PLCB1: variants seen among roughly 807,000 people sequenced by gnomAD.
PLCB1 encodes phospholipase C beta 1.
PLCB1 carries 46 observed loss-of-function variants against 161.8 expected under a neutral mutation model. The observed-to-expected ratio is 0.28, with a 90% CI of 0.22 to 0.36. The LOEUF is 0.36. Among genes scored for constraint, PLCB1 ranks in the 10% least tolerant of loss-of-function variants. PLCB1 has a pLI of 1.00. For synonymous variants in PLCB1, 517 were observed against 503.7 expected, an observed-to-expected ratio of 1.03 and a Z score of -0.35; for missense variants, 1,016 against 1,472.5, an observed-to-expected ratio of 0.69 and a Z score of 5.07.
At chr20:8,342,097 C>T (rs1280478418) in intron 2 of PLCB1, among the ~76,000 whole-genome samples, 1 of 152,070 alleles carries the variant, frequency 6.6e-6, no homozygotes, top group African/African-American at 2.4e-5. Flanking sequence ...CTGGAGAGAA[C>T]TAACATTTTG....
At chr20:8,626,706 G>A (rs1988360118) in intron 3 of PLCB1, among the ~76,000 whole-genome samples, 1 of 152,170 alleles carries the variant, frequency 6.6e-6, no homozygotes, top group Non-Finnish European at 1.5e-5. Context: ...ATAATTACAA[G>A]TTTCAGGTGA....
intron 12 of PLCB1, among the ~76,000 whole-genome samples, chr20:8,710,477 G>A (rs1978940859): frequency 7.6e-6 from 1 of 132,292 alleles, no homozygotes; most frequent in Admixed American, 7.7e-5. Flanking sequence ...TTTCTTTCAG[G>A]TATTATAGTT....
intron 2 of PLCB1, among the ~76,000 whole-genome samples, chr20:8,273,625 C>T (rs998335301): frequency 6.6e-6 from 1 of 152,088 alleles, no homozygotes; most frequent in Non-Finnish European, 1.5e-5. Flanking sequence ...AAAGAACTGC[C>T]TCTTATGTGT....
At chr20:8,575,366 T>A (rs2123062249) in intron 3 of PLCB1, among the ~76,000 whole-genome samples, 1 of 151,802 alleles carries the variant, frequency 6.6e-6, no homozygotes, top group South Asian at 2.1e-4. Context: ...CCAACAGGAG[T>A]TTTCCCTTCA....
At chr20:8,680,213 C>A (rs1231571267) in intron 9 of PLCB1, among the ~76,000 whole-genome samples, 1 of 152,078 alleles carries the variant, frequency 6.6e-6, no homozygotes. Context: ...ACAAACAGTG[C>A]AAGTTTGATA....
At chr20:8,290,217 A>G (rs1983321173) in intron 2 of PLCB1, among the ~76,000 whole-genome samples, 1 of 152,146 alleles carries the variant, frequency 6.6e-6, no homozygotes. Context: ...TGACTCCAGA[A>G]CTCAAGAGAA....
chr20:8,567,080 C>T (rs774640604), intron 3 of PLCB1, among the ~76,000 whole-genome samples: 1 of 152,134 alleles, frequency 6.6e-6, no homozygotes, highest in Non-Finnish European at 1.5e-5. Context: ...AATGAGAGCA[C>T]TACTGGCATC....
intron 10 of PLCB1, 145 bp from the exon 11 acceptor site, chr20:8,697,481 A>G (rs1990608456): frequency 1.4e-6 from 1 of 737,378 alleles, no homozygotes; most frequent in African/African-American, 1.8e-5. Flanking sequence ...ACCTTCTGGT[A>G]TGTTGAGGCA....
At chr20:8,653,409 T>G (rs1392323911) in intron 7 of PLCB1, 1 of 152,044 alleles carries the variant, frequency 6.6e-6, no homozygotes, top group Non-Finnish European at 1.5e-5. Flanking sequence ...AATATCAAAA[T>G]TCTACTTTAA....
chr20:8,660,733 C>A (rs1246965363), intron 9 of PLCB1, among the ~76,000 whole-genome samples: 1 of 152,038 alleles, frequency 6.6e-6, no homozygotes, highest in Admixed American at 6.6e-5. Context: ...AATTTCAAAT[C>A]GAAAGAGGCA....
At chr20:8,808,367 A>C (rs910941942) in intron 31 of PLCB1, among the ~76,000 whole-genome samples, 1 of 152,066 alleles carries the variant, frequency 6.6e-6, no homozygotes, top group African/African-American at 2.4e-5. Flanking sequence ...AGAGAGAGAG[A>C]GCGCATGCAC....
At chr20:8,187,435 T>C (rs1036483135) in intron 2 of PLCB1, among the ~76,000 whole-genome samples, 3 of 152,218 alleles carry the variant, frequency 2.0e-5, no homozygotes, top group African/African-American at 7.2e-5. Context: ...TTCTAAACTC[T>C]GGTGCCTCCT....
chr20:8,587,107 G>T (rs1433263949), intron 3 of PLCB1, among the ~76,000 whole-genome samples: 4 of 151,980 alleles, frequency 2.6e-5, no homozygotes, highest in Non-Finnish European at 5.9e-5. Flanking sequence ...GTGTAATTGT[G>T]CCAAAATTGT....
At chr20:8,668,610 C>T (rs549452248) in intron 9 of PLCB1, among the ~76,000 whole-genome samples, 8 of 152,132 alleles carry the variant, frequency 5.3e-5, no homozygotes, top group South Asian at 2.1e-4. Flanking sequence ...GGAGTGTGAA[C>T]GAGGAAGAGA....
chr20:8,476,491 G>C (rs969806898), intron 3 of PLCB1, among the ~76,000 whole-genome samples: 1 of 152,128 alleles, frequency 6.6e-6, no homozygotes, highest in African/African-American at 2.4e-5. Context: ...ATTCTGGCTG[G>C]ATGCTAAAGT....
At chr20:8,530,921 A>T (rs943019971) in intron 3 of PLCB1, among the ~76,000 whole-genome samples, 1 of 152,090 alleles carries the variant, frequency 6.6e-6, no homozygotes, top group South Asian at 2.1e-4. Flanking sequence ...AGTTTGCTAC[A>T]TACCAAATTG....
At chr20:8,731,555 C>T (rs1411132536) in intron 18 of PLCB1, among the ~76,000 whole-genome samples, 3 of 151,836 alleles carry the variant, frequency 2.0e-5, no homozygotes, top group Admixed American at 6.6e-5. Context: ...CTAAAGGACA[C>T]GGGTCCTATT....
chr20:8,780,746 G>C (rs529742875), intron 27 of PLCB1, among the ~76,000 whole-genome samples: 19 of 152,208 alleles, frequency 1.2e-4, no homozygotes, highest in African/African-American at 4.1e-4. Context: ...GGTGCTGAGT[G>C]GGGGGTCTAG....
chr20:8,458,029 G>A (rs1981405030), intron 3 of PLCB1, among the ~76,000 whole-genome samples: 1 of 152,192 alleles, frequency 6.6e-6, no homozygotes, highest in African/African-American at 2.4e-5. Context: ...GAAACCTTTA[G>A]AGTGAAACAA....
Sources: allele counts gnomAD v4.1 joint callset (sites outside exome capture counted in the v4.1 genomes callset), GRCh38; gene constraint gnomAD v4.1.1; transcripts MANE v1.5; gene names NCBI Gene and HGNC (gene_info 2026-07-23, HGNC 2026-07-21).